Variants in PLAAT1 observed in about 807,000 individuals in gnomAD.
PLAAT1 encodes H-REV107 protein-related protein.
PLAAT1 carries 13 observed loss-of-function variants against 16.4 expected under a neutral mutation model. The observed-to-expected ratio is 0.79, with a 90% CI of 0.52 to 1.26. The LOEUF is 1.26. Among genes scored for constraint, PLAAT1 ranks in the 50% most tolerant of loss-of-function variants. The pLI, the probability that PLAAT1 is intolerant of heterozygous loss-of-function variation, is 0.00. For missense variants in PLAAT1, 218 were observed against 207.8 expected (o/e 1.05, Z -0.30); for synonymous variants, 73 against 78.4 (o/e 0.93, Z 0.36).
chr3:193,269,057 T>C (rs531046552), intron 3 of PLAAT1, among the ~76,000 whole-genome samples: 114 of 152,252 alleles, frequency 7.5e-4, no homozygotes, highest in Non-Finnish European at 1.2e-3. Flanking sequence ...AGGGTTGGGC[T>C]TGATCCCTGT....
intron 1 of PLAAT1, among the ~76,000 whole-genome samples, chr3:193,252,528 C>T (rs115910074): frequency 0.019 from 2,860 of 152,204 alleles, 65 homozygotes; most frequent in Middle Eastern, 0.061. Flanking sequence ...TTAACAGGAT[C>T]TTTTGTAGTA....
In PLAAT1 at chr3:193,255,644, A is replaced by G; in HGVS notation, c.1-7A>G. The G allele has an allele frequency of 1.3e-6, 2 of 1,599,852 alleles. No homozygotes were observed. Among genetic ancestry groups the G allele is most frequent in the South Asian group, 1.1e-5 (1 of 89,096 alleles). On this transcript the variant is annotated splice_region_variant and splice_polypyrimidine_tract_variant and intron_variant, in intron 1 of 3. Transcript: ENST00000264735. ...TAGCTAGCTCTTCTTTGTATTTGTC[A>G]TTGCAGATGGCGTTTAATGATTGCT...
At chr3:193,275,181 A>G, downstream of PLAAT1, 1 of 1,614,146 alleles carries the variant, frequency 6.2e-7, no homozygotes, top group Non-Finnish European at 8.5e-7. Context: ...TGTCCTGTTT[A>G]TGGGAGGCCA....
chr3:193,280,724 A>AT (rs563093779), downstream of PLAAT1, among the ~76,000 whole-genome samples: 3 of 152,166 alleles, frequency 2.0e-5, no homozygotes, highest in Admixed American at 6.5e-5. Flanking sequence ...TAGAAATATT[A>AT]TTTTTTAATA....
downstream of PLAAT1, among the ~76,000 whole-genome samples, chr3:193,272,465 C>CAA (rs11372054): frequency 9.2e-5 from 14 of 151,604 alleles, no homozygotes; most frequent in African/African-American, 2.7e-4. Flanking sequence ...CAAAACAAAA[C>CAA]AAAAAAACCC....
downstream of PLAAT1, among the ~76,000 whole-genome samples, chr3:193,280,283 G>T (rs1370976800): frequency 6.6e-6 from 1 of 152,002 alleles, no homozygotes; most frequent in Non-Finnish European, 1.5e-5. Context: ...TCGAACTCCT[G>T]ACCTGCGATC....
chr3:193,256,305 G>A (rs1195495914), intron 2 of PLAAT1, among the ~76,000 whole-genome samples: 1 of 152,174 alleles, frequency 6.6e-6, no homozygotes, highest in Non-Finnish European at 1.5e-5. Flanking sequence ...GAGAAGTGCT[G>A]AGGGCAGAAG....
chr3:193,273,559 A>G (rs1045729146), downstream of PLAAT1, among the ~76,000 whole-genome samples: 5 of 152,218 alleles, frequency 3.3e-5, no homozygotes, highest in South Asian at 1.0e-3. Flanking sequence ...GAATCCGTAC[A>G]TCATGGTATT....
intron 3 of PLAAT1, among the ~76,000 whole-genome samples, 170 bp downstream of exon 3, chr3:193,263,405 T>C (rs1420968075): frequency 6.6e-6 from 1 of 152,198 alleles, no homozygotes; most frequent in African/African-American, 2.4e-5. Context: ...ATAACCAAAC[T>C]GAGACTAAAA....
At chr3:193,257,844 G>T (rs1716435579) in intron 2 of PLAAT1, among the ~76,000 whole-genome samples, 1 of 152,132 alleles carries the variant, frequency 6.6e-6, no homozygotes, top group African/African-American at 2.4e-5. Context: ...AAGTCTTCTG[G>T]CCTCCATCTT....
At chr3:193,250,979 G>A (rs1716171614) in intron 1 of PLAAT1, among the ~76,000 whole-genome samples, 1 of 152,138 alleles carries the variant, frequency 6.6e-6, no homozygotes, top group African/African-American at 2.4e-5. Context: ...GAGATCTCTG[G>A]GCTGGATTGT....
chr3:193,276,611 G>T (rs1717214817), intron 2 of PLAAT1: 1 of 633,364 alleles, frequency 1.6e-6, no homozygotes, highest in Non-Finnish European at 2.8e-6. Context: ...TCCTCCAAAA[G>T]AATATGTACC....
Position 193,241,509 on chromosome 3 carries a change from A to T in PLAAT1, c.-25A>T. On this transcript the variant is annotated 5_prime_UTR_variant, in exon 1 of 4. Transcript: ENST00000264735. ...ACACACAGCTGCCTCCCGGTGCGAG[A>T]AGAAGACCCCGGCTTGAGAGTGAGG... 1 of 1,231,798 alleles carries T rather than the reference A, an allele frequency of 8.1e-7. No individual in the cohort carries two copies. The allele number at this position is 1,231,798 out of a possible 1,614,324, so 76.3% of individuals were successfully genotyped here.
chr3:193,257,116 G>T (rs189899262), intron 2 of PLAAT1, among the ~76,000 whole-genome samples: 136 of 152,220 alleles, frequency 8.9e-4, no homozygotes, highest in African/African-American at 3.1e-3. Context: ...ATGACCATAA[G>T]CAGCTTTAGG....
chr3:193,254,479 A>G (rs1240391782), intron 1 of PLAAT1, among the ~76,000 whole-genome samples: 1 of 152,216 alleles, frequency 6.6e-6, no homozygotes, highest in Non-Finnish European at 1.5e-5. Context: ...TAGATACAGC[A>G]TTTAAATCCT....
chr3:193,241,510 A>G lies in PLAAT1; in HGVS notation c.-24A>G. 1 of 1,231,900 alleles carries G rather than the reference A, an allele frequency of 8.1e-7. No individual in the cohort carries two copies. Among genetic ancestry groups the G allele is most frequent in the Non-Finnish European group, 1.0e-6 (1 of 988,130 alleles). 76.3% of individuals were successfully genotyped at this position (1,231,900 alleles called of 1,614,324 possible). On this transcript the variant is annotated 5_prime_UTR_variant, in exon 1 of 4. Coordinates refer to ENST00000264735, the MANE Select transcript of PLAAT1 (RefSeq NM_020386.5). ...CACACAGCTGCCTCCCGGTGCGAGA[A>G]GAAGACCCCGGCTTGAGAGTGAGGT...
intron 3 of PLAAT1, among the ~76,000 whole-genome samples, chr3:193,270,226 C>T (rs1049080205): frequency 3.3e-5 from 5 of 152,088 alleles, no homozygotes; most frequent in African/African-American, 7.2e-5. Context: ...TAAACATCTT[C>T]GTGGAATGAT....
intron 2 of PLAAT1, among the ~76,000 whole-genome samples, chr3:193,260,745 G>C (rs1402234892): frequency 5.3e-5 from 8 of 152,108 alleles, no homozygotes; most frequent in Non-Finnish European, 7.4e-5. Flanking sequence ...TACACTGTTG[G>C]TGGGAATGTA....
chr3:193,269,076 T>C (rs74457956), intron 3 of PLAAT1, among the ~76,000 whole-genome samples: 2,895 of 152,266 alleles, frequency 0.019, 77 homozygotes, highest in East Asian at 0.072. Context: ...GTCTAATTAG[T>C]GACTCTTCCT....
Sources: allele counts gnomAD v4.1 joint callset (sites outside exome capture counted in the v4.1 genomes callset), GRCh38; gene constraint gnomAD v4.1.1; transcripts MANE v1.5; gene names NCBI Gene and HGNC (gene_info 2026-07-23, HGNC 2026-07-21).